The following NEGR1 variants were observed in gnomAD, a reference collection of about 807,000 sequenced individuals.
NEGR1 encodes the protein IgLON family member 4.
In NEGR1, 10 loss-of-function variants were observed where a neutral mutation model predicts 40.9. That is an observed-to-expected ratio of 0.24 (90% CI 0.15 to 0.42). The LOEUF (loss-of-function observed/expected upper bound fraction) is 0.42, where lower values mean the gene tolerates loss of function less well. NEGR1 is among the 10% of genes least tolerant of loss of function. NEGR1 has a pLI of 1.00. For synonymous variants in NEGR1, 185 were observed against 166.8 expected (o/e 1.11, Z -0.84); for missense variants, 352 against 438.9 (o/e 0.80, Z 1.77).
intron 3 of NEGR1, among the ~76,000 whole-genome samples, chr1:71,727,558 C>G (rs1003607152): frequency 6.6e-6 from 1 of 152,096 alleles, no homozygotes; most frequent in Non-Finnish European, 1.5e-5. Context: ...TTGGAAGAGG[C>G]ACAATCACCA....
chr1:72,180,748 C>T (rs1458421500), intron 1 of NEGR1, among the ~76,000 whole-genome samples: 1 of 152,052 alleles, frequency 6.6e-6, no homozygotes, highest in Non-Finnish European at 1.5e-5. Flanking sequence ...CTAATCAAAA[C>T]TACTATGAGA....
chr1:71,702,978 G>T (rs1653751233), intron 3 of NEGR1, among the ~76,000 whole-genome samples: 1 of 151,992 alleles, frequency 6.6e-6, no homozygotes, highest in African/African-American at 2.4e-5. Flanking sequence ...TAAAGAGAAG[G>T]AGCTCATATA....
At chr1:71,508,461 C>T (rs1367304433) in intron 6 of NEGR1, among the ~76,000 whole-genome samples, 1 of 151,524 alleles carries the variant, frequency 6.6e-6, no homozygotes, top group East Asian at 1.9e-4. Flanking sequence ...GGATGGGCTA[C>T]TATACGAAAA....
rs1027178926 is a variant in NEGR1, at chr1:71,405,137, A to G, written c.*2309T>C. 3 of 152,204 alleles carry G rather than the reference A, an allele frequency of 2.0e-5. No homozygotes were observed. The highest frequency in any genetic ancestry group is 7.2e-5 in the African/African-American group (3 of 41,432). The allele number at this position is 152,204 out of a possible 1,614,324, so 9.4% of individuals were successfully genotyped here. A position where few individuals can be genotyped will look rare whatever the true frequency, so the allele number is the denominator to read the frequency against. ...ACTGAGCTATGACTGTACTTCTGTCACATTCTATGGTAAAAACACCAGACT... is the reference window on the plus strand; with the variant it reads ...ACTGAGCTATGACTGTACTTCTGTCGCATTCTATGGTAAAAACACCAGACT... On this transcript the variant is annotated 3_prime_UTR_variant, in exon 7 of 7. Coordinates refer to ENST00000357731, the MANE Select transcript of NEGR1 (RefSeq NM_173808.3).
At chr1:71,933,030 A>G (rs147900444) in intron 2 of NEGR1, among the ~76,000 whole-genome samples, 13 of 152,226 alleles carry the variant, frequency 8.5e-5, no homozygotes, top group Non-Finnish European at 1.6e-4. Flanking sequence ...CTGTAAAATT[A>G]TTAGCTTTTA....
chr1:72,132,179 G>A (rs1376079917), intron 1 of NEGR1, among the ~76,000 whole-genome samples: 1 of 152,076 alleles, frequency 6.6e-6, no homozygotes, highest in African/African-American at 2.4e-5. Flanking sequence ...GACACAACTG[G>A]AACGGTAAAC....
intron 1 of NEGR1, among the ~76,000 whole-genome samples, chr1:71,944,560 A>T (rs1324791663): frequency 6.6e-6 from 1 of 150,910 alleles, no homozygotes; most frequent in African/African-American, 2.4e-5. Flanking sequence ...AATAGAGATT[A>T]TAAAATAAGA....
chr1:72,278,524 C>T (rs1344004493), intron 1 of NEGR1, among the ~76,000 whole-genome samples: 2 of 151,964 alleles, frequency 1.3e-5, no homozygotes, highest in African/African-American at 4.8e-5. Flanking sequence ...AATAAAGCAA[C>T]TGGTTCATAT....
At chr1:71,546,614 A>C (rs188663184) in intron 6 of NEGR1, among the ~76,000 whole-genome samples, 44 of 151,768 alleles carry the variant, frequency 2.9e-4, no homozygotes, top group African/African-American at 1.1e-3. Context: ...AGTTGGCAGT[A>C]CTATTACTAT....
At chr1:72,072,347 T>A (rs1007694546) in intron 1 of NEGR1, among the ~76,000 whole-genome samples, 2 of 152,134 alleles carry the variant, frequency 1.3e-5, no homozygotes, top group African/African-American at 4.8e-5. Flanking sequence ...ATACCTAGTA[T>A]AGTCACAGAA....
At chr1:71,409,054 C>T (rs1015878185) in intron 6 of NEGR1, 4 of 151,804 alleles carry the variant, frequency 2.6e-5, no homozygotes, top group Admixed American at 1.3e-4. Flanking sequence ...TTTTAATAAA[C>T]AAAGAGCAAA....
intron 2 of NEGR1, among the ~76,000 whole-genome samples, chr1:71,896,004 T>C (rs953030413): frequency 5.3e-5 from 8 of 152,012 alleles, no homozygotes; most frequent in Non-Finnish European, 7.4e-5. Context: ...CATTGTGGTT[T>C]CAACTTTTAA....
intron 1 of NEGR1, among the ~76,000 whole-genome samples, chr1:72,201,659 T>A (rs530081770): frequency 1.3e-4 from 19 of 151,666 alleles, no homozygotes; most frequent in African/African-American, 4.6e-4. Context: ...ATTTCAAAGA[T>A]GTTAAAATGT....
intron 1 of NEGR1, among the ~76,000 whole-genome samples, chr1:72,033,617 A>G (rs1646877988): frequency 6.6e-6 from 1 of 152,204 alleles, no homozygotes; most frequent in Non-Finnish European, 1.5e-5. Flanking sequence ...GTTTAATTTT[A>G]AGCACTTAAT....
chr1:71,501,600 A>G (rs766403950), intron 6 of NEGR1, among the ~76,000 whole-genome samples: 26 of 152,292 alleles, frequency 1.7e-4, no homozygotes, highest in Admixed American at 2.6e-4. Flanking sequence ...GCATATTTCT[A>G]TGGGCCCTGT....
chr1:71,403,959 C>T lies in NEGR1; in HGVS notation c.*3487G>A. ...TTCAATAAATAGTTAAAAACCTGAC[C>T]TCTTTTTAAATCATTTCTGGATTTC... is the stretch of plus-strand genomic sequence containing the variant. On this transcript the variant is annotated 3_prime_UTR_variant, in exon 7 of 7. Coordinates refer to ENST00000357731, the MANE Select transcript of NEGR1 (RefSeq NM_173808.3). 5.5e-6 allele frequency: 2 copies of T among 364,490 alleles called. No individual in the cohort carries two copies. Among genetic ancestry groups the T allele is most frequent in the Non-Finnish European group, 9.9e-6 (2 of 201,806 alleles). The allele number at this position is 364,490 out of a possible 1,614,324, so 22.6% of individuals were successfully genotyped here. A position where few individuals can be genotyped will look rare whatever the true frequency, so the allele number is the denominator to read the frequency against.
At chr1:71,917,122 C>G (rs1661606788) in intron 2 of NEGR1, among the ~76,000 whole-genome samples, 1 of 152,174 alleles carries the variant, frequency 6.6e-6, no homozygotes, top group Admixed American at 6.5e-5. Context: ...AGCCTGTGCA[C>G]TGGGCGCCAA....
intron 6 of NEGR1, among the ~76,000 whole-genome samples, chr1:71,503,072 C>A (rs1012797572): frequency 6.6e-6 from 1 of 152,180 alleles, no homozygotes; most frequent in African/African-American, 2.4e-5. Flanking sequence ...CCTGGATAGT[C>A]TGTTGGGGAG....
At chr1:71,897,590 G>C (rs1164853886) in intron 2 of NEGR1, among the ~76,000 whole-genome samples, 1 of 152,120 alleles carries the variant, frequency 6.6e-6, no homozygotes, top group Non-Finnish European at 1.5e-5. Flanking sequence ...GAAAAACGTA[G>C]TAGACCCACA....
Sources: allele counts gnomAD v4.1 joint callset (sites outside exome capture counted in the v4.1 genomes callset), GRCh38; gene constraint gnomAD v4.1.1; transcripts MANE v1.5; gene names NCBI Gene and HGNC (gene_info 2026-07-23, HGNC 2026-07-21).